The following GALNT17 variants were observed in gnomAD, a reference collection of about 807,000 sequenced individuals.
GALNT17 encodes polypeptide N-acetylgalactosaminyltransferase 17.
GALNT17 carries 29 observed loss-of-function variants against 63.7 expected under a neutral mutation model. The ratio of observed to expected loss-of-function variants is 0.46; its 90% confidence interval spans 0.34 to 0.62. The LOEUF (loss-of-function observed/expected upper bound fraction) is 0.62, where lower values mean the gene tolerates loss of function less well. Ranked by LOEUF, GALNT17 falls within the 20% of genes least tolerant of loss-of-function variation. The pLI is 0.01. For missense variants in GALNT17, 603 were observed against 799.6 expected (o/e 0.75, Z 2.97); for synonymous variants, 305 against 318.3 (o/e 0.96, Z 0.45).
At position 71,166,968 on chromosome 7, in the gene GALNT17, C is replaced by T. The variant is rs118054406; in HGVS notation, c.238+33928C>T. On this transcript the variant is annotated intron_variant, in intron 1 of 10. Coordinates refer to ENST00000333538, the MANE Select transcript of GALNT17 (RefSeq NM_022479.3). ...ACAGTGGCGTGACCATAGCTCACTG[C>T]AGCTCAAGTGATCCTTCCACCTCAG... Among the ~76,000 whole-genome samples, 128 of 151,806 alleles carry T rather than the reference C, an allele frequency of 8.4e-4. 1 individual carries two copies. The East Asian group carries it at 0.023, about 27-fold the overall frequency.
chr7:71,325,685 G>A (rs916590800), intron 1 of GALNT17, among the ~76,000 whole-genome samples: 2 of 152,108 alleles, frequency 1.3e-5, no homozygotes, highest in African/African-American at 2.4e-5. Flanking sequence ...AGCTTGGGCT[G>A]AACTTAACCA....
intron 5 of GALNT17, among the ~76,000 whole-genome samples, chr7:71,428,051 C>T (rs967340582): frequency 1.3e-5 from 2 of 152,066 alleles, no homozygotes; most frequent in Non-Finnish European, 2.9e-5. Context: ...CTAGAGCATC[C>T]CTTTTGGTTT....
intron 1 of GALNT17, among the ~76,000 whole-genome samples, chr7:71,177,428 T>C (rs1287848685): frequency 6.6e-6 from 1 of 152,168 alleles, no homozygotes; most frequent in East Asian, 1.9e-4. Context: ...GATACTCAGT[T>C]TATTTGAAAA....
At position 71,203,555 on chromosome 7, in the gene GALNT17, G is replaced by C. The variant is rs561832947; in HGVS notation, c.238+70515G>C. On this transcript the variant is annotated intron_variant, in intron 1 of 10. Transcript: ENST00000333538. ...ATTTTGGATATTAACCCCTTGTCAG[G>C]GGCATGGTGTATTAGGCTGTTCACA... 2.1e-4 allele frequency among the ~76,000 whole-genome samples: 32 copies of C among 152,184 alleles called. No individual in the cohort carries two copies. The South Asian group carries it at 3.3e-3, about 16-fold the overall frequency.
At chr7:71,507,250 G>A (rs1788283902) in intron 5 of GALNT17, among the ~76,000 whole-genome samples, 1 of 152,048 alleles carries the variant, frequency 6.6e-6, no homozygotes, top group South Asian at 2.1e-4. Flanking sequence ...AAATAAATAA[G>A]TAAATAAAAT....
chr7:71,185,838 C>T (rs1000549108), intron 1 of GALNT17, among the ~76,000 whole-genome samples: 2 of 152,192 alleles, frequency 1.3e-5, no homozygotes, highest in Admixed American at 1.3e-4. Context: ...ACTCCATTTC[C>T]CTATCTGCAA....
At chr7:71,621,140 G>T (rs545058551) in intron 6 of GALNT17, among the ~76,000 whole-genome samples, 28 of 152,192 alleles carry the variant, frequency 1.8e-4, no homozygotes, top group African/African-American at 6.5e-4. Flanking sequence ...CTTAGGTAAA[G>T]AGAGTTTTAG....
At chr7:71,703,916 G>T (rs866912129) in intron 9 of GALNT17, among the ~76,000 whole-genome samples, 2 of 152,200 alleles carry the variant, frequency 1.3e-5, no homozygotes. Flanking sequence ...TCTGAAGGCA[G>T]TAAGGGCCCA....
intron 1 of GALNT17, among the ~76,000 whole-genome samples, chr7:71,317,800 C>T (rs1483248484): frequency 6.6e-6 from 1 of 152,104 alleles, no homozygotes; most frequent in Non-Finnish European, 1.5e-5. Context: ...CGGATACACC[C>T]TAAGCTAGTG....
At chr7:71,550,929 G>A (rs770100675) in intron 5 of GALNT17, among the ~76,000 whole-genome samples, 4 of 151,748 alleles carry the variant, frequency 2.6e-5, no homozygotes, top group Non-Finnish European at 5.9e-5. Context: ...CCATTATGAT[G>A]TATCTAAGGA....
intron 1 of GALNT17, among the ~76,000 whole-genome samples, chr7:71,280,443 G>GGAATCA (rs1489191229): frequency 3.3e-5 from 5 of 152,160 alleles, no homozygotes; most frequent in Non-Finnish European, 5.9e-5. Context: ...CACCAAGAGA[G>GGAATCA]GAATCAGGGG....
At chr7:71,222,070 G>A (rs1188805050) in intron 1 of GALNT17, among the ~76,000 whole-genome samples, 1 of 151,866 alleles carries the variant, frequency 6.6e-6, no homozygotes, top group Non-Finnish European at 1.5e-5. Context: ...ACCACGCCCG[G>A]CTAATTTTGA....
intron 6 of GALNT17, among the ~76,000 whole-genome samples, chr7:71,633,083 G>A (rs551681396): frequency 8.6e-4 from 115 of 133,552 alleles, no homozygotes; most frequent in Non-Finnish European, 1.4e-3. Context: ...CAGCCTGGGC[G>A]ACAGAGTGAG....
intron 6 of GALNT17, among the ~76,000 whole-genome samples, chr7:71,629,381 C>A (rs1048644899): frequency 7.9e-5 from 12 of 152,200 alleles, no homozygotes; most frequent in Non-Finnish European, 1.8e-4. Context: ...TACCTATGCA[C>A]CCTGTCCTGA....
intron 1 of GALNT17, among the ~76,000 whole-genome samples, chr7:71,202,259 A>T: frequency 6.6e-6 from 1 of 152,180 alleles, no homozygotes. Flanking sequence ...GATAAATTTT[A>T]ATTAAATTAA....
intron 5 of GALNT17, among the ~76,000 whole-genome samples, chr7:71,455,163 T>C (rs891336875): frequency 6.6e-6 from 1 of 150,784 alleles, no homozygotes; most frequent in African/African-American, 2.4e-5. Flanking sequence ...CAAAATCTTG[T>C]TTCAAAAAAA....
intron 5 of GALNT17, among the ~76,000 whole-genome samples, chr7:71,570,909 T>G (rs907713121): frequency 6.6e-6 from 1 of 151,630 alleles, no homozygotes; most frequent in African/African-American, 2.4e-5. Context: ...ACCTGGGAGG[T>G]GGAGGTTGCG....
At chr7:71,348,847 T>C (rs565319847) in intron 2 of GALNT17, among the ~76,000 whole-genome samples, 2 of 152,324 alleles carry the variant, frequency 1.3e-5, no homozygotes, top group East Asian at 3.9e-4. Flanking sequence ...TTTGTGTTTC[T>C]AGGGGATTAT....
intron 1 of GALNT17, among the ~76,000 whole-genome samples, chr7:71,275,856 C>T (rs1790673071): frequency 6.6e-6 from 1 of 152,152 alleles, no homozygotes. Context: ...AGTTCTTTGT[C>T]CTGACTCTTG....
Sources: gnomAD v4.1 joint callset for allele counts (sites outside exome capture counted in the v4.1 genomes callset) on GRCh38, gnomAD v4.1.1 for gene constraint, MANE v1.5 for transcripts, NCBI Gene and HGNC (gene_info 2026-07-23, HGNC 2026-07-21) for gene names.